Variants in POLR3H observed in about 807,000 individuals in gnomAD.
POLR3H encodes the protein RNA polymerase III subunit H.
POLR3H carries 17 observed loss-of-function variants against 25.5 expected under a neutral mutation model. The ratio of observed to expected loss-of-function variants is 0.67; its 90% CI spans 0.46 to 1.00. The LOEUF is 1.00. Ranked by LOEUF, POLR3H falls within the 50% of genes least tolerant of loss-of-function variation. The pLI is 0.00. For synonymous variants in POLR3H, 129 were observed against 103.0 expected, an observed-to-expected ratio of 1.25 and a Z score of -1.53; for missense variants, 274 against 265.0, an observed-to-expected ratio of 1.03 and a Z score of -0.24.
chr22:41,526,258 C>G lies in POLR3H; in HGVS notation c.*3025G>C. 6.2e-7 allele frequency: 1 copy of G among 1,610,870 alleles called. No individual in the cohort carries two copies. Among genetic ancestry groups the G allele is most frequent in the Non-Finnish European group, 8.5e-7 (1 of 1,179,018 alleles). On this transcript the variant is annotated 3_prime_UTR_variant, in exon 6 of 6. Coordinates refer to ENST00000355209, the MANE Select transcript of POLR3H (RefSeq NM_001018050.4). ...ACCTCTGTCCTCTCTACTTACCACCCAAGGTCAAAGGGAAGTGTACCACTG... is the reference window on the plus strand; with the variant it reads ...ACCTCTGTCCTCTCTACTTACCACCGAAGGTCAAAGGGAAGTGTACCACTG...
chr22:41,544,436 A>ACCGCGCACCT lies in POLR3H; in HGVS notation c.-336_-335insAGGTGCGCGG, dbSNP rs1555894499. On this transcript the variant is annotated 5_prime_UTR_variant, in exon 1 of 6. Coordinates refer to ENST00000355209, the MANE Select transcript of POLR3H (RefSeq NM_001018050.4). ...CCGCTCGTATCACGCACCACGCACCACGCACCGCGCACAGCCGCTCGCGCT... is the reference window on the plus strand; with the variant it reads ...CCGCTCGTATCACGCACCACGCACCACCGCGCACCTCGCACCGCGCACAGCCGCTCGCGCT... 1 of 186,898 alleles carries ACCGCGCACCT rather than the reference A, an allele frequency of 5.4e-6. No individual in the cohort carries two copies. The highest frequency in any genetic ancestry group is 2.4e-5 in the African/African-American group (1 of 41,942). The allele number at this position is 186,898 out of a possible 1,614,324, so 11.6% of individuals were successfully genotyped here. A position where few individuals can be genotyped will look rare whatever the true frequency, so the allele number is the denominator to read the frequency against.
Position 41,526,638 on chromosome 22 carries a change from G to T in POLR3H, c.*2645C>A. The T allele has an allele frequency of 1.7e-6, 1 of 580,728 alleles. No individual in the cohort carries two copies. Among genetic ancestry groups the T allele is most frequent in the Non-Finnish European group, 2.9e-6 (1 of 344,758 alleles). 36.0% of individuals were successfully genotyped at this position (580,728 alleles called of 1,614,324 possible). ...GTGGCTGAGAAGGCATGAGGCCCAG[G>T]TCCGGTGGTACAGCCGGGTCCCTGC... is the stretch of plus-strand genomic sequence containing the variant. On this transcript the variant is annotated 3_prime_UTR_variant, in exon 6 of 6. Transcript: ENST00000355209.
intron 1 of POLR3H, 81 bp from the exon 2 acceptor site, chr22:41,540,876 C>A: frequency 9.8e-7 from 1 of 1,022,964 alleles, no homozygotes; most frequent in East Asian, 2.4e-5. Flanking sequence ...AATCTGAGCC[C>A]CTCACAACCA....
rs1424906045 is a variant in POLR3H, at chr22:41,530,728, T to C, written c.520A>G (p.Ser174Gly). Residue 174 changes from serine (S) to glycine (G), a missense_variant, in exon 5 of 6, where the codon AGT becomes GGT. Coordinates refer to ENST00000355209, the MANE Select transcript of POLR3H (RefSeq NM_001018050.4). ...GCCTCCTTCTTTGGCAGCTCCTCAC[T>C]GGAAGTGGTGGCATCTGCTGAGCTG... ...GPSSADATTS[S>G]EELPKKEAPY... is the part of the protein sequence containing the mutation. 4 of 1,613,696 alleles carry C rather than the reference T, an allele frequency of 2.5e-6. No homozygotes were observed. Among genetic ancestry groups the C allele is most frequent in the East Asian group, 4.5e-5 (2 of 44,904 alleles).
At chr22:41,533,440 G>T (rs1023069127) in intron 2 of POLR3H, 1 of 1,062,558 alleles carries the variant, frequency 9.4e-7, no homozygotes, top group Non-Finnish European at 1.2e-6. Flanking sequence ...CCCACCGTGA[G>T]GATAAGGCAG....
chr22:41,538,399 T>G (rs751028012), intron 2 of POLR3H, among the ~76,000 whole-genome samples: 2 of 152,152 alleles, frequency 1.3e-5, no homozygotes, highest in Non-Finnish European at 2.9e-5. Context: ...GTGCTGGGAT[T>G]ACAGAAGTGA....
chr22:41,537,753 T>C (rs1012756554), intron 2 of POLR3H, among the ~76,000 whole-genome samples: 2 of 152,038 alleles, frequency 1.3e-5, no homozygotes, highest in East Asian at 1.9e-4. Context: ...CAGATGAGGG[T>C]GGGGGCTAAT....
Position 41,544,192 on chromosome 22 carries a change from C to T in POLR3H, c.-91G>A. 1.3e-6 allele frequency: 1 copy of T among 775,408 alleles called. No homozygotes were observed. Among genetic ancestry groups the T allele is most frequent in the South Asian group, 1.8e-5 (1 of 56,724 alleles). The allele number at this position is 775,408 out of a possible 1,614,324, so 48.0% of individuals were successfully genotyped here. Reference sequence around the variant, plus strand: ...GAATCCCCGAGCCCCTTGGTCCCGTCCCAGTCGCTGAGGCCCCCAGGCTGG... The same window carrying T: ...GAATCCCCGAGCCCCTTGGTCCCGTTCCAGTCGCTGAGGCCCCCAGGCTGG... On this transcript the variant is annotated 5_prime_UTR_variant, in exon 1 of 6. Transcript: ENST00000355209.
chr22:41,538,132 ATT>A (rs71184815), intron 2 of POLR3H, among the ~76,000 whole-genome samples: 22 of 129,196 alleles, frequency 1.7e-4, no homozygotes, highest in South Asian at 2.5e-4. Flanking sequence ...CACCCAAATA[ATT>A]TTTTTTTTTT....
At chr22:41,538,599 A>C (rs777593882) in intron 2 of POLR3H, among the ~76,000 whole-genome samples, 3 of 152,118 alleles carry the variant, frequency 2.0e-5, no homozygotes, top group Admixed American at 6.6e-5. Context: ...TGGAAGTTCT[A>C]GTACCTATTA....
At chr22:41,537,458 G>A (rs1245191638) in intron 2 of POLR3H, among the ~76,000 whole-genome samples, 1 of 152,198 alleles carries the variant, frequency 6.6e-6, no homozygotes, top group African/African-American at 2.4e-5. Context: ...TGGGGTTGCA[G>A]GAGAGGGAGC....
intron 2 of POLR3H, among the ~76,000 whole-genome samples, chr22:41,538,307 G>T (rs1334641754): frequency 6.6e-6 from 1 of 151,966 alleles, no homozygotes; most frequent in Non-Finnish European, 1.5e-5. Flanking sequence ...CTAATGTTTT[G>T]TATTTTTAGT....
At chr22:41,532,989 C>G (rs1393071263) in intron 2 of POLR3H, among the ~76,000 whole-genome samples, 1 of 152,240 alleles carries the variant, frequency 6.6e-6, no homozygotes, top group African/African-American at 2.4e-5. Context: ...AGCCCAGATT[C>G]TGAGCCATCA....
chr22:41,530,492 T>TGAGC (rs1345029524), intron 5 of POLR3H, among the ~76,000 whole-genome samples, 195 bp downstream of exon 5: 1 of 152,202 alleles, frequency 6.6e-6, no homozygotes, highest in African/African-American at 2.4e-5. Flanking sequence ...AGCAGCCATG[T>TGAGC]ACCTTTACTG....
Position 41,544,163 on chromosome 22 carries a change from G to T in POLR3H, c.-62C>A. ...CAGTCACGCACCAGGGCCGGGGGCA[G>T]GGAGAATCCCCGAGCCCCTTGGTCC... On this transcript the variant is annotated 5_prime_UTR_variant, in exon 1 of 6. The change creates a new upstream start codon in the 5' untranslated region. Transcript: ENST00000355209. The T allele has an allele frequency of 9.6e-7, 1 of 1,039,980 alleles. No homozygotes were observed. Among genetic ancestry groups the T allele is most frequent in the Non-Finnish European group, 1.5e-6 (1 of 685,246 alleles). The allele number at this position is 1,039,980 out of a possible 1,614,324, so 64.4% of individuals were successfully genotyped here.
rs200466811 is a variant in POLR3H at position 41,528,396 on chromosome 22, G to A, written c.*887C>T. Reference sequence around the variant, plus strand: ...TGCTGACCTCTTAGGTCCCCAGGCAGTGCCCTGTCTCCCTGACCCCCCTGC... The same window carrying A: ...TGCTGACCTCTTAGGTCCCCAGGCAATGCCCTGTCTCCCTGACCCCCCTGC... On this transcript the variant is annotated 3_prime_UTR_variant, in exon 6 of 6. Coordinates refer to ENST00000355209, the MANE Select transcript of POLR3H (RefSeq NM_001018050.4). 56 of 1,555,400 alleles carry A rather than the reference G, an allele frequency of 3.6e-5. No individual in the cohort carries two copies. Among genetic ancestry groups the A allele is most frequent in the East Asian group, 3.2e-4 (14 of 44,038 alleles).
rs1275460693 is a variant in POLR3H, at chr22:41,534,160, G to T, written c.209-1415C>A. On this transcript the variant is annotated intron_variant, in intron 2 of 5. Transcript: ENST00000355209. ...TCAAAAAAAAAAAAAACTTCACAGAGCCTGCACCAGGTTTGTGCCAGGCCC... is the reference window on the plus strand; with the variant it reads ...TCAAAAAAAAAAAAAACTTCACAGATCCTGCACCAGGTTTGTGCCAGGCCC... 1.2e-4 allele frequency among the ~76,000 whole-genome samples: 18 copies of T among 151,974 alleles called. No homozygotes were observed. The East Asian group carries it at 3.3e-3, about 28-fold the overall frequency.
chr22:41,531,411 C>T (rs991792163), intron 4 of POLR3H, among the ~76,000 whole-genome samples: 1 of 152,210 alleles, frequency 6.6e-6, no homozygotes, highest in Non-Finnish European at 1.5e-5. Context: ...GACCCAGAGC[C>T]GTGCTGCCAC....
chr22:41,531,967 C>T (rs575047272), intron 4 of POLR3H, 127 bp downstream of exon 4: 118 of 774,224 alleles, frequency 1.5e-4, no homozygotes, highest in African/African-American at 1.2e-3. Context: ...AAAGCACAGG[C>T]GAGGGGCAGG....
Sources: allele counts gnomAD v4.1 joint callset (sites outside exome capture counted in the v4.1 genomes callset), GRCh38; gene constraint gnomAD v4.1.1; transcripts MANE v1.5; gene names NCBI Gene and HGNC (gene_info 2026-07-23, HGNC 2026-07-21).